The following FRMD4A variants were observed in gnomAD, a reference collection of about 807,000 sequenced individuals.
FRMD4A encodes FERM domain containing 4A.
In FRMD4A, 29 loss-of-function variants were observed where a neutral mutation model predicts 129.1. That is an observed-to-expected ratio of 0.22 (90% confidence interval 0.17 to 0.31). FRMD4A has a LOEUF of 0.31. FRMD4A is among the 10% of genes least tolerant of loss of function. The pLI, the probability that FRMD4A is intolerant of heterozygous loss-of-function variation, is 1.00. For synonymous variants in FRMD4A, 634 were observed against 571.6 expected, an observed-to-expected ratio of 1.11 and a Z score of -1.56; for missense variants, 1,272 against 1,375.8, an observed-to-expected ratio of 0.92 and a Z score of 1.19.
chr10:14,325,112 C>G (rs935576240), intron 2 of FRMD4A, among the ~76,000 whole-genome samples: 11 of 152,318 alleles, frequency 7.2e-5, no homozygotes, highest in Admixed American at 2.0e-4. Flanking sequence ...TGCAAACGCA[C>G]TTTGAAAAAC....
intron 2 of FRMD4A, among the ~76,000 whole-genome samples, chr10:14,088,186 C>T (rs899097819): frequency 2.0e-5 from 3 of 152,028 alleles, no homozygotes; most frequent in African/African-American, 4.8e-5. Context: ...GAATTACAGG[C>T]CTGAAATCCC....
intron 3 of FRMD4A, among the ~76,000 whole-genome samples, chr10:13,823,114 C>G (rs1395536809): frequency 2.0e-5 from 3 of 152,228 alleles, no homozygotes; most frequent in African/African-American, 7.2e-5. Context: ...GGGAGGGAGG[C>G]TTTCTCATCC....
intron 2 of FRMD4A, among the ~76,000 whole-genome samples, chr10:14,174,079 G>A (rs1405703879): frequency 6.6e-6 from 1 of 152,042 alleles, no homozygotes; most frequent in Non-Finnish European, 1.5e-5. Context: ...TCTGTCTCCT[G>A]CAAGTTACTC....
chr10:13,654,081 T>C (rs1297271873), intron 23 of FRMD4A: 1 of 458,082 alleles, frequency 2.2e-6, no homozygotes, highest in Non-Finnish European at 3.8e-6. Flanking sequence ...CCTGGCATTT[T>C]GAGTCAGCCT....
intron 2 of FRMD4A, among the ~76,000 whole-genome samples, chr10:13,923,017 C>T (rs1358994646): frequency 6.6e-6 from 1 of 152,094 alleles, no homozygotes; most frequent in African/African-American, 2.4e-5. Context: ...AAAAAATGTG[C>T]TCAGTCCATA....
At chr10:14,258,880 G>C (rs566572373) in intron 2 of FRMD4A, among the ~76,000 whole-genome samples, 2 of 152,238 alleles carry the variant, frequency 1.3e-5, no homozygotes, top group African/African-American at 4.8e-5. Context: ...AAATAATTAT[G>C]CTGAATGAAA....
chr10:13,734,382 G>A (rs536586384), intron 12 of FRMD4A, among the ~76,000 whole-genome samples: 20 of 152,134 alleles, frequency 1.3e-4, no homozygotes, highest in African/African-American at 2.9e-4. Flanking sequence ...AATAGACCGC[G>A]GCTAACACTC....
At chr10:14,313,464 T>A (rs185176780) in intron 2 of FRMD4A, among the ~76,000 whole-genome samples, 1 of 152,376 alleles carries the variant, frequency 6.6e-6, no homozygotes, top group African/African-American at 2.4e-5. Flanking sequence ...TGGTTAATTA[T>A]CTACGAAGAG....
At chr10:13,668,395 T>G (rs1279451537) in intron 17 of FRMD4A, 1 of 152,212 alleles carries the variant, frequency 6.6e-6, no homozygotes, top group Admixed American at 6.5e-5. Flanking sequence ...CCAGGACAAA[T>G]TCTCACTATT....
chr10:13,972,317 A>C, intron 2 of FRMD4A: 1 of 986,688 alleles, frequency 1.0e-6, no homozygotes, highest in Non-Finnish European at 1.2e-6. Flanking sequence ...AGAACCCATG[A>C]GTTTCCACAA....
Position 14,097,572 on chromosome 10 carries a change from C to T in FRMD4A, c.45+232486G>A, listed in dbSNP as rs147096233. Among the ~76,000 whole-genome samples the T allele has an allele frequency of 3.6e-3, 548 of 152,156 alleles. 5 individuals carry two copies. The highest frequency in any genetic ancestry group is 0.011 in the African/African-American group (453 of 41,518). On this transcript the variant is annotated intron_variant, in intron 2 of 24. Coordinates refer to ENST00000357447, the MANE Select transcript of FRMD4A (RefSeq NM_018027.5). Reference sequence around the variant, plus strand: ...CAGCTAACATAGGACAGAACTGAGACGGAAACTTTGGACTGTTGGATTCCA... The same window carrying T: ...CAGCTAACATAGGACAGAACTGAGATGGAAACTTTGGACTGTTGGATTCCA...
intron 2 of FRMD4A, among the ~76,000 whole-genome samples, chr10:14,259,338 C>G (rs1326026425): frequency 6.6e-6 from 1 of 152,098 alleles, no homozygotes; most frequent in Non-Finnish European, 1.5e-5. Context: ...ACACCATTCA[C>G]TATTGAAGAA....
At chr10:14,047,176 C>G (rs1394227316) in intron 2 of FRMD4A, among the ~76,000 whole-genome samples, 2 of 152,142 alleles carry the variant, frequency 1.3e-5, no homozygotes, top group Non-Finnish European at 2.9e-5. Flanking sequence ...GGAAATTCAC[C>G]AATGCAAATT....
intron 2 of FRMD4A, among the ~76,000 whole-genome samples, chr10:13,898,288 C>T (rs1277477872): frequency 6.6e-6 from 1 of 152,026 alleles, no homozygotes; most frequent in Non-Finnish European, 1.5e-5. Context: ...ATTACTTGAA[C>T]CCAGGAGGTG....
chr10:13,697,528 C>T (rs10906451), intron 14 of FRMD4A, among the ~76,000 whole-genome samples: 25,823 of 152,000 alleles, frequency 0.17, 2,300 homozygotes, highest in East Asian at 0.24. Context: ...TGGGCATTGT[C>T]GGGGAGAGTC....
intron 2 of FRMD4A, among the ~76,000 whole-genome samples, chr10:14,175,531 T>TC (rs1469287925): frequency 6.7e-6 from 1 of 150,062 alleles, no homozygotes; most frequent in Non-Finnish European, 1.5e-5. Flanking sequence ...CCTTTTTTTT[T>TC]TTTTTTTTTT....
chr10:13,821,318 C>T lies in FRMD4A; in HGVS notation c.112-10410G>A, dbSNP rs191316853. Among the ~76,000 whole-genome samples the T allele has an allele frequency of 1.2e-4, 18 of 152,214 alleles. No homozygotes were observed. The highest frequency in any genetic ancestry group is 4.3e-4 in the African/African-American group (18 of 41,542). On this transcript the variant is annotated intron_variant, in intron 3 of 24. Transcript: ENST00000357447. The surrounding 1 kb of genome is among the most constrained non-coding windows in gnomAD (Gnocchi z 4.3). ...AGGGAGGCTACTTCCTGTAGGCAGACGGGTGTGAAGAACAATGGAGTTGCA... is the reference window on the plus strand; with the variant it reads ...AGGGAGGCTACTTCCTGTAGGCAGATGGGTGTGAAGAACAATGGAGTTGCA...
intron 15 of FRMD4A, among the ~76,000 whole-genome samples, chr10:13,690,977 T>G (rs1191006918): frequency 6.6e-6 from 1 of 152,168 alleles, no homozygotes; most frequent in African/African-American, 2.4e-5. Context: ...TTAAAGACAC[T>G]TGGATTTCAT....
At chr10:14,187,829 ATTTC>A (rs1267616154) in intron 2 of FRMD4A, among the ~76,000 whole-genome samples, 22 of 152,320 alleles carry the variant, frequency 1.4e-4, no homozygotes, top group Non-Finnish European at 2.4e-4. Flanking sequence ...TTGATTCCAT[ATTTC>A]ACTAGGGGGA....
Sources: gnomAD v4.1 joint callset for allele counts (sites outside exome capture counted in the v4.1 genomes callset) on GRCh38, gnomAD v4.1.1 for gene constraint, Gnocchi (gnomAD v3.1) non-coding constraint, MANE v1.5 for transcripts, NCBI Gene and HGNC (gene_info 2026-07-23, HGNC 2026-07-21) for gene names.